Variants in PTPRB observed in about 807,000 individuals in gnomAD.
PTPRB encodes protein tyrosine phosphatase receptor type B.
Under a neutral mutation model 238.1 loss-of-function variants are expected in PTPRB, and 97 were observed. The ratio of observed to expected loss-of-function variants is 0.41; its 90% CI spans 0.35 to 0.48. The LOEUF is 0.48. Among genes scored for constraint, PTPRB ranks in the 20% least tolerant of loss-of-function variants. PTPRB has a pLI of 0.30. For missense variants in PTPRB, 2,292 were observed against 2,681.9 expected, an observed-to-expected ratio of 0.85 and a Z score of 3.21; for synonymous variants, 970 against 995.4, an observed-to-expected ratio of 0.97 and a Z score of 0.48.
At chr12:70,553,049 TG>T (rs1877138127) in intron 20 of PTPRB, 29 bp from the exon 21 acceptor site, 1 of 1,594,870 alleles carries the variant, frequency 6.3e-7, no homozygotes, top group African/African-American at 1.3e-5. Flanking sequence ...AGTTAAGGAC[TG>T]CCTTTCTTGT....
chr12:70,533,087 A>C (rs780164196), intron 31 of PTPRB, among the ~76,000 whole-genome samples: 1 of 152,194 alleles, frequency 6.6e-6, no homozygotes, highest in Non-Finnish European at 1.5e-5. Context: ...CAACACCTAG[A>C]AGCAGAACTC....
At chr12:70,596,785 G>T (rs1249322404) in intron 4 of PTPRB, among the ~76,000 whole-genome samples, 1 of 152,164 alleles carries the variant, frequency 6.6e-6, no homozygotes, top group Non-Finnish European at 1.5e-5. Context: ...GATTGTTGGT[G>T]TCTAGTATAT....
chr12:70,607,953 T>C (rs373831944), intron 4 of PTPRB, among the ~76,000 whole-genome samples: 4 of 151,840 alleles, frequency 2.6e-5, no homozygotes, highest in East Asian at 1.9e-4. Context: ...AGTTAAGTGA[T>C]GTAATTGGGC....
intron 20 of PTPRB, among the ~76,000 whole-genome samples, 199 bp from the exon 21 acceptor site, chr12:70,553,219 A>G (rs1319627717): frequency 6.6e-6 from 1 of 152,196 alleles, no homozygotes; most frequent in Non-Finnish European, 1.5e-5. Context: ...AAAATACATA[A>G]ATAGTGTGTA....
rs1174147940 is a variant in PTPRB at position 70,555,943 on chromosome 12, C to T, written c.4920G>A (p.Leu1640=). ...IMMLVPHKRY[L]VSIKVQSAGM... is the part of the protein sequence containing the mutation. ...CGGCCGACTGCACTTTGATGGACAC[C>T]AGGTACCTCTTATGGGGCACTAGCA... The change falls in exon 19 of 34, where the codon CTG becomes CTA. Residue 1640 remains leucine (L), a synonymous_variant. Transcript: ENST00000334414. 6.2e-7 allele frequency: 1 copy of T among 1,613,766 alleles called. No homozygotes were observed. Among genetic ancestry groups the T allele is most frequent in the African/African-American group, 1.3e-5 (1 of 74,910 alleles).
intron 8 of PTPRB, among the ~76,000 whole-genome samples, chr12:70,587,472 A>G (rs182044300): frequency 5.4e-4 from 83 of 152,348 alleles, no homozygotes; most frequent in African/African-American, 1.8e-3. Flanking sequence ...ATTAGAAAAC[A>G]TCTTGCCAGA....
chr12:70,555,603 A>G (rs917108204), intron 19 of PTPRB, among the ~76,000 whole-genome samples: 2 of 152,216 alleles, frequency 1.3e-5, no homozygotes, highest in East Asian at 1.9e-4. Flanking sequence ...AGCTCTAACT[A>G]TATGAGGCAA....
At chr12:70,559,752 A>G (rs1238795111) in intron 17 of PTPRB, 128 bp from the exon 18 acceptor site, 5 of 901,290 alleles carry the variant, frequency 5.5e-6, no homozygotes, top group East Asian at 2.7e-5. Context: ...TGATAATAAT[A>G]TAGTAGCAGG....
At chr12:70,575,074 A>G (rs1294180648) in intron 11 of PTPRB, among the ~76,000 whole-genome samples, 1 of 152,142 alleles carries the variant, frequency 6.6e-6, no homozygotes, top group Non-Finnish European at 1.5e-5. Context: ...CTAAGTCATT[A>G]TTGTGATTGT....
chr12:70,598,919 AAAAC>A (rs1425695068), intron 4 of PTPRB, among the ~76,000 whole-genome samples: 1 of 152,228 alleles, frequency 6.6e-6, no homozygotes, highest in Non-Finnish European at 1.5e-5. Context: ...GCCAGAAAAC[AAAAC>A]AGTCAATCCT....
chr12:70,587,221 G>A lies in PTPRB; in HGVS notation c.2097C>T (p.Thr699=). 1.2e-6 allele frequency: 2 copies of A among 1,613,816 alleles called. No homozygotes were observed. Among genetic ancestry groups the A allele is most frequent in the Non-Finnish European group, 1.7e-6 (2 of 1,179,774 alleles). Residue 699 remains threonine, a synonymous_variant, in exon 9 of 34, where the codon ACC becomes ACT. Transcript: ENST00000334414. The part of the protein sequence containing the change: ...LQLRVKHANE[T]SLSIMWQTPV... ...GGGTCTGCCACATGATACTCAGTGA[G>A]GTTTCATTGGCATGTTTGACACGAA...
chr12:70,559,996 C>T (rs1372760238), intron 17 of PTPRB, among the ~76,000 whole-genome samples: 1 of 151,950 alleles, frequency 6.6e-6, no homozygotes, highest in African/African-American at 2.4e-5. Flanking sequence ...ACCACTACAC[C>T]TGGCTAATTG....
chr12:70,627,870 G>GT (rs1278308675), intron 2 of PTPRB, among the ~76,000 whole-genome samples: 9 of 152,210 alleles, frequency 5.9e-5, no homozygotes, highest in African/African-American at 1.9e-4. Flanking sequence ...GTTTTGTTTT[G>GT]TTTTTCCCCA....
chr12:70,626,369 T>TCCTGCCTG (rs757749640), intron 2 of PTPRB, among the ~76,000 whole-genome samples: 25,391 of 124,314 alleles, frequency 0.2, 4,952 homozygotes, highest in African/African-American at 0.51. Flanking sequence ...CTATCTATAT[T>TCCTGCCTG]CCTGCCTGCC....
intron 19 of PTPRB, among the ~76,000 whole-genome samples, 164 bp from the exon 20 acceptor site, chr12:70,555,473 C>A (rs562789369): frequency 6.6e-6 from 1 of 152,222 alleles, no homozygotes; most frequent in South Asian, 2.1e-4. Flanking sequence ...TCCCCTTCTC[C>A]TGAAGGAAAA....
intron 26 of PTPRB, chr12:70,539,248 C>A: frequency 1.8e-6 from 1 of 561,120 alleles, no homozygotes; most frequent in Non-Finnish European, 3.2e-6. Context: ...CCCCAGGTCA[C>A]CCAAGTGGCA....
intron 2 of PTPRB, among the ~76,000 whole-genome samples, chr12:70,634,251 G>A (rs1453038453): frequency 1.3e-5 from 2 of 152,092 alleles, no homozygotes; most frequent in African/African-American, 2.4e-5. Context: ...ACTAATATAA[G>A]CCTCACAAAT....
intron 33 of PTPRB, among the ~76,000 whole-genome samples, chr12:70,522,356 A>C (rs964266424): frequency 6.6e-6 from 1 of 152,208 alleles, no homozygotes; most frequent in African/African-American, 2.4e-5. Context: ...GCCCCAGTCA[A>C]ACCTTCAGAT....
intron 22 of PTPRB, among the ~76,000 whole-genome samples, 161 bp downstream of exon 22, chr12:70,544,396 G>A (rs4761221): frequency 0.51 from 77,266 of 151,898 alleles, 22,155 homozygotes; most frequent in Middle Eastern, 0.65. Context: ...CTTCTAGAGA[G>A]GTTGTACAAT....
Sources: allele counts gnomAD v4.1 joint callset (sites outside exome capture counted in the v4.1 genomes callset), GRCh38; gene constraint gnomAD v4.1.1; transcripts MANE v1.5; gene names NCBI Gene and HGNC (gene_info 2026-07-23, HGNC 2026-07-21).